IQCH: variants seen among roughly 807,000 people sequenced by gnomAD.
IQCH encodes IQ motif containing H.
A neutral mutation model predicts 117.0 loss-of-function variants in IQCH; 98 were observed. That is an observed-to-expected ratio of 0.84 (90% confidence interval 0.71 to 0.99). The LOEUF is 0.99. Among genes scored for constraint, IQCH ranks in the 50% least tolerant of loss-of-function variants. The pLI is 0.00. For missense variants in IQCH, 1,102 were observed against 1,243.8 expected, an observed-to-expected ratio of 0.89 and a Z score of 1.72; for synonymous variants, 412 against 448.2, an observed-to-expected ratio of 0.92 and a Z score of 1.02.
At chr15:67,451,853 G>A (rs1478894949) in intron 16 of IQCH, among the ~76,000 whole-genome samples, 1 of 152,152 alleles carries the variant, frequency 6.6e-6, no homozygotes, top group Non-Finnish European at 1.5e-5. Context: ...TATTGTGTGG[G>A]AGTCTAAGTC....
chr15:67,357,588 T>G (rs1386422323), intron 7 of IQCH, among the ~76,000 whole-genome samples, 167 bp downstream of exon 7: 1 of 152,216 alleles, frequency 6.6e-6, no homozygotes, highest in Non-Finnish European at 1.5e-5. Flanking sequence ...ATTGTACAAG[T>G]CAACTCTAGC....
In IQCH at chr15:67,400,249, G is replaced by C; in HGVS notation, c.2041G>C (p.Val681Leu). 6.2e-7 allele frequency: 1 copy of C among 1,613,682 alleles called. No homozygotes were observed. Among genetic ancestry groups the C allele is most frequent in the East Asian group, 2.2e-5 (1 of 44,820 alleles). The part of the protein sequence containing the change: ...IPSYLKCYKW[V>L]LKESSRYGLE... ...TTCCTACCTAAAGTGCTACAAATGG[G>C]TGCTAAAGGAGAGTAGCAGATATGG... The change falls in exon 14 of 21, where the codon GTG becomes CTG. Residue 681 changes from valine to leucine, a missense_variant. This residue lies in a region of IQCH where 650 missense variants were observed against 794.3 expected (regional missense o/e 0.82). Transcript: ENST00000335894.
In IQCH at chr15:67,384,864, T is replaced by G; in HGVS notation, c.1373-72T>G. 2.0e-6 allele frequency: 2 copies of G among 982,494 alleles called. No individual in the cohort carries two copies. The highest frequency in any genetic ancestry group is 3.3e-6 in the Non-Finnish European group (2 of 612,348). The allele number at this position is 982,494 out of a possible 1,614,324, so 60.9% of individuals were successfully genotyped here. ...CCTGGAAATATGGACTGTGACATTT[T>G]GAAATTCTCTTGTGCCATTTTGCTA... On this transcript the variant is annotated intron_variant, in intron 10 of 20. Coordinates refer to ENST00000335894, the MANE Select transcript of IQCH (RefSeq NM_001031715.3). The surrounding 1 kb of genome is among the most constrained non-coding windows in gnomAD (Gnocchi z 4.3).
At chr15:67,470,033 T>C (rs979271195) in intron 17 of IQCH, among the ~76,000 whole-genome samples, 3 of 152,232 alleles carry the variant, frequency 2.0e-5, no homozygotes, top group Non-Finnish European at 4.4e-5. Context: ...TGTACTTCCC[T>C]GTGTGACGAG....
rs200344477 is a variant in IQCH at position 67,475,851 on chromosome 15, A to G, written c.2799+33A>G. 3 of 1,599,154 alleles carry G rather than the reference A, an allele frequency of 1.9e-6. No individual in the cohort carries two copies. The East Asian group carries it at 6.7e-5, about 36-fold the overall frequency. On this transcript the variant is annotated intron_variant, in intron 18 of 20. Coordinates refer to ENST00000335894, the MANE Select transcript of IQCH (RefSeq NM_001031715.3). The surrounding 1 kb of genome is among the most constrained non-coding windows in gnomAD (Gnocchi z 5.7). The stretch of plus-strand genomic sequence containing the variant: ...GGGTTACAGTTGGCCAGGGGCGGCC[A>G]AAGACATGCCTGTGGGTGATCTAGG...
In IQCH at chr15:67,395,326, C is replaced by T. The variant is rs184807787; in HGVS notation, c.1668C>T (p.Tyr556=). The T allele has an allele frequency of 1.9e-6, 3 of 1,613,766 alleles. No individual in the cohort carries two copies. Among genetic ancestry groups the T allele is most frequent in the Non-Finnish European group, 2.5e-6 (3 of 1,179,872 alleles). The change falls in exon 13 of 21, where the codon TAC becomes TAT. Residue 556 remains tyrosine, a synonymous_variant. Transcript: ENST00000335894. The surrounding 1 kb of genome is among the most constrained non-coding windows in gnomAD (Gnocchi z 4.0). ...TGTGCCTGGCCACTCACCTGATGTA[C>T]AGTCCCAAGGCAATCAAAAGAATAA... The part of the protein sequence containing the change: ...HHMCLATHLM[Y]SPKAIKRIKN...
At position 67,385,895 on chromosome 15, in the gene IQCH, C is replaced by A. The variant is rs971054953; in HGVS notation, c.1456+876C>A. Among the ~76,000 whole-genome samples the A allele has an allele frequency of 1.3e-5, 2 of 152,032 alleles. No individual in the cohort carries two copies. Among genetic ancestry groups the A allele is most frequent in the African/African-American group, 4.8e-5 (2 of 41,386 alleles). On this transcript the variant is annotated intron_variant, in intron 11 of 20. Transcript: ENST00000335894. The surrounding 1 kb of genome is among the most constrained non-coding windows in gnomAD (Gnocchi z 4.6). Reference sequence around the variant, plus strand: ...GGAAGAATTTTAAATGATCAAGGACCAACTTAACTGGCTCCCTGGAATGAC... The same window carrying A: ...GGAAGAATTTTAAATGATCAAGGACAAACTTAACTGGCTCCCTGGAATGAC...
intron 4 of IQCH, among the ~76,000 whole-genome samples, chr15:67,292,608 C>G (rs1488780384): frequency 1.3e-5 from 2 of 152,156 alleles, no homozygotes; most frequent in Non-Finnish European, 2.9e-5. Context: ...TAAATAACCA[C>G]TTCTCCATCA....
rs1349327068 is a variant in IQCH at position 67,365,487 on chromosome 15, A to G, written c.753+5602A>G. ...CCGTGTGCCAGGCAGTGTACTAGATAGGCACTGGGGACACAACAATGAATG... is the reference window on the plus strand; with the variant it reads ...CCGTGTGCCAGGCAGTGTACTAGATGGGCACTGGGGACACAACAATGAATG... On this transcript the variant is annotated intron_variant, in intron 8 of 20. Coordinates refer to ENST00000335894, the MANE Select transcript of IQCH (RefSeq NM_001031715.3). This position sits in a 1 kb window ranked among gnomAD's most constrained non-coding sequence, Gnocchi z 4.4. 1.3e-5 allele frequency among the ~76,000 whole-genome samples: 2 copies of G among 152,212 alleles called. No homozygotes were observed. The highest frequency in any genetic ancestry group is 4.8e-5 in the African/African-American group (2 of 41,450).
intron 10 of IQCH, among the ~76,000 whole-genome samples, chr15:67,377,115 C>CAA (rs5813442): frequency 7.3e-5 from 6 of 82,014 alleles, no homozygotes; most frequent in East Asian, 2.8e-4. Flanking sequence ...GACTCCATCT[C>CAA]AAAAAAAAAA....
intron 4 of IQCH, chr15:67,304,409 C>G (rs371386933): frequency 3.3e-6 from 5 of 1,533,544 alleles, no homozygotes; most frequent in Middle Eastern, 1.7e-4. Context: ...GCTGTAAATG[C>G]GAACTATGGA....
Position 67,357,376 on chromosome 15 carries a change from A to G in IQCH, c.669A>G (p.Pro223=). ...TCACTATACCTCGGGAACCACCTCC[A>G]TCTCCAGCAGAAGTGAAGTTCTTTC... is the stretch of plus-strand genomic sequence containing the variant. ...ATFTIPREPP[P]SPAEVKFFPK... is the part of the protein sequence containing the mutation. The change falls in exon 7 of 21, where the codon CCA becomes CCG. Residue 223 remains proline, a synonymous_variant. Coordinates refer to ENST00000335894, the MANE Select transcript of IQCH (RefSeq NM_001031715.3). 6.2e-7 allele frequency: 1 copy of G among 1,611,318 alleles called. No individual in the cohort carries two copies. The highest frequency in any genetic ancestry group is 1.1e-5 in the South Asian group (1 of 91,018).
chr15:67,317,290 C>T (rs1013940667), intron 4 of IQCH, among the ~76,000 whole-genome samples: 8 of 152,172 alleles, frequency 5.3e-5, no homozygotes, highest in Non-Finnish European at 4.4e-5. Context: ...GCAACCTCCA[C>T]CTCCTAGGTT....
Position 67,465,038 on chromosome 15 carries a change from G to C in IQCH, c.2506-89G>C. The C allele has an allele frequency of 8.3e-7, 1 of 1,209,510 alleles. No homozygotes were observed. The highest frequency in any genetic ancestry group is 2.0e-5 in the Admixed American group (1 of 50,004). 74.9% of individuals were successfully genotyped at this position (1,209,510 alleles called of 1,614,324 possible). A position where few individuals can be genotyped will look rare whatever the true frequency, so the allele number is the denominator to read the frequency against. ...CATGGTCACTGGTTTCACTTAGTCTGATGTAGTTTGGTCTGGTTAGGCAGA... is the reference window on the plus strand; with the variant it reads ...CATGGTCACTGGTTTCACTTAGTCTCATGTAGTTTGGTCTGGTTAGGCAGA... On this transcript the variant is annotated intron_variant, in intron 16 of 20. Transcript: ENST00000335894. This position sits in a 1 kb window ranked among gnomAD's most constrained non-coding sequence, Gnocchi z 5.9.
At chr15:67,300,859 T>G (rs1414746063) in intron 4 of IQCH, among the ~76,000 whole-genome samples, 2 of 152,190 alleles carry the variant, frequency 1.3e-5, no homozygotes, top group Non-Finnish European at 2.9e-5. Context: ...TATTTCCTTC[T>G]TATATAGCTT....
At chr15:67,355,598 A>AG (rs1455499871) in intron 6 of IQCH, among the ~76,000 whole-genome samples, 1 of 152,160 alleles carries the variant, frequency 6.6e-6, no homozygotes, top group East Asian at 1.9e-4. Flanking sequence ...TCAAAAAAAA[A>AG]AAAAAATTAG....
chr15:67,410,983 C>G (rs970550464), intron 14 of IQCH, among the ~76,000 whole-genome samples: 1 of 152,180 alleles, frequency 6.6e-6, no homozygotes, highest in Non-Finnish European at 1.5e-5. Flanking sequence ...ATGACACTGT[C>G]TACCTCAGAG....
At chr15:67,288,071 G>GGA (rs1250625456) in intron 4 of IQCH, among the ~76,000 whole-genome samples, 1 of 151,930 alleles carries the variant, frequency 6.6e-6, no homozygotes, top group East Asian at 1.9e-4. Context: ...TTTTGTTATT[G>GGA]ATCTCTAGTT....
At chr15:67,277,530 CTTTTTTT>C (rs574311972) in intron 3 of IQCH, among the ~76,000 whole-genome samples, 2 of 128,856 alleles carry the variant, frequency 1.6e-5, no homozygotes. Context: ...CCTCCAGTAT[CTTTTTTT>C]TTTTTTTTTT....
Sources: allele counts gnomAD v4.1 joint callset (sites outside exome capture counted in the v4.1 genomes callset), GRCh38; gene constraint gnomAD v4.1.1; regional missense constraint gnomAD v4.1.1; non-coding constraint Gnocchi (gnomAD v3.1); transcripts MANE v1.5; gene names NCBI Gene and HGNC (gene_info 2026-07-23, HGNC 2026-07-21).